BEST3: variants seen among roughly 807,000 people sequenced by gnomAD.
BEST3 encodes bestrophin-3.
In BEST3, 50 loss-of-function variants were observed where a neutral mutation model predicts 47.1. That is an observed-to-expected ratio of 1.06 (90% CI 0.85 to 1.34). The LOEUF (loss-of-function observed/expected upper bound fraction) is 1.34. BEST3 is among the 40% of genes most tolerant of loss of function. BEST3 has a pLI of 0.00. For synonymous variants in BEST3, 282 were observed against 298.8 expected (o/e 0.94, Z 0.58); for missense variants, 765 against 817.0 (o/e 0.94, Z 0.78).
Position 69,677,034 on chromosome 12 carries a change from G to T in BEST3, c.749C>A (p.Ala250Glu). 2 of 1,614,188 alleles carry T rather than the reference G, an allele frequency of 1.2e-6. No homozygotes were observed. Among genetic ancestry groups the T allele is most frequent in the African/African-American group, 2.7e-5 (2 of 75,056 alleles). The change falls in exon 7 of 10, where the codon GCG (alanine) becomes GAG (glutamate). Residue 250 changes from alanine to glutamate, a missense_variant. Physicochemically the swap from Ala to Glu is moderately radical, Grantham distance 107. Transcript: ENST00000330891. ...VTLAVYTFFF[A>E]CLIGRQFLDP... ...CAAAAACTGGCGTCCAATCAGGCAC[G>T]CAAAGAAGAAGGTATAGACAGCAAG...
At chr12:69,684,272 A>G (rs1565838493) in intron 4 of BEST3, 2 of 337,962 alleles carry the variant, frequency 5.9e-6, no homozygotes, top group Non-Finnish European at 1.1e-5. Flanking sequence ...TCCCTCCTTC[A>G]TCTTTCTAAT....
At chr12:69,692,917 C>G (rs1885976484) in intron 4 of BEST3, among the ~76,000 whole-genome samples, 1 of 152,188 alleles carries the variant, frequency 6.6e-6, no homozygotes, top group Non-Finnish European at 1.5e-5. Flanking sequence ...TGGGAGCCAG[C>G]AAGCCCAGCT....
At chr12:69,698,037 T>C (rs1215000831) in intron 1 of BEST3, among the ~76,000 whole-genome samples, 1 of 152,206 alleles carries the variant, frequency 6.6e-6, no homozygotes, top group African/African-American at 2.4e-5. Context: ...TTAGACATCT[T>C]AAACTTGCCT....
At position 69,643,861 on chromosome 12, in the gene BEST3, A is replaced by G. The variant is rs565809356; in HGVS notation, c.1101-74T>C. 31 of 589,648 alleles carry G rather than the reference A, an allele frequency of 5.3e-5. No homozygotes were observed. In the South Asian group the frequency reaches 6.6e-4, roughly 13 times the overall value. 36.5% of individuals were successfully genotyped at this position (589,648 alleles called of 1,614,324 possible). ...ACAGGTGCTTCTCTTTTCTTCGCCA[A>G]ACTCACAGAGTTGAATTCACATAGG... On this transcript the variant is annotated intron_variant, in intron 9 of 9. Coordinates refer to the BEST3 transcript ENST00000331471.
intron 9 of BEST3, among the ~76,000 whole-genome samples, chr12:69,644,995 T>G (rs1288347234): frequency 6.6e-6 from 1 of 152,244 alleles, no homozygotes; most frequent in African/African-American, 2.4e-5. Context: ...GCCTTAAATT[T>G]ATTTGATACT....
chr12:69,654,951 C>T lies in BEST3; in HGVS notation c.1963G>A (p.Asp655Asn). ...LMENLDTKETDIIELNKETEE... is the reference protein window; with the variant it reads ...LMENLDTKETNIIELNKETEE... Reference sequence around the variant, plus strand: ...GTTTCCTTGTTCAGCTCTATGATATCTGTTTCCTTGGTGTCCAGGTTTTCC... The same window carrying T: ...GTTTCCTTGTTCAGCTCTATGATATTTGTTTCCTTGGTGTCCAGGTTTTCC... The change falls in exon 10 of 10, where the codon GAT becomes AAT. Residue 655 changes from aspartate to asparagine, a missense_variant. Asp to Asn is a conservative substitution (Grantham distance 23). Coordinates refer to ENST00000330891, the MANE Select transcript of BEST3 (RefSeq NM_032735.3). 1.2e-6 allele frequency: 2 copies of T among 1,614,038 alleles called. No homozygotes were observed. The highest frequency in any genetic ancestry group is 2.2e-5 in the South Asian group (2 of 91,072).
chr12:69,681,225 T>C (rs1454367462), intron 4 of BEST3, among the ~76,000 whole-genome samples: 1 of 152,234 alleles, frequency 6.6e-6, no homozygotes, highest in Admixed American at 6.5e-5. Context: ...GGAATTCTGA[T>C]ACTACATTCA....
At chr12:69,670,688 T>C (rs937092255) in intron 9 of BEST3, 53 of 545,778 alleles carry the variant, frequency 9.7e-5, no homozygotes, top group Non-Finnish European at 2.0e-5. Flanking sequence ...ACAGCAGGCC[T>C]CAGGGAACTA....
chr12:69,680,576 G>C (rs1230694115), intron 4 of BEST3, among the ~76,000 whole-genome samples: 1 of 151,836 alleles, frequency 6.6e-6, no homozygotes, highest in Non-Finnish European at 1.5e-5. Context: ...CAAATTGCTG[G>C]GATTACAGGC....
chr12:69,699,239 A>T lies in BEST3; in HGVS notation c.-50T>A. 1 of 985,430 alleles carries T rather than the reference A, an allele frequency of 1.0e-6. No individual in the cohort carries two copies. Among genetic ancestry groups the T allele is most frequent in the Non-Finnish European group, 1.2e-6 (1 of 829,942 alleles). 61.0% of individuals were successfully genotyped at this position (985,430 alleles called of 1,614,324 possible). A position where few individuals can be genotyped will look rare whatever the true frequency, so the allele number is the denominator to read the frequency against. ...TGGTTTGTAGTCTCCGACAGGAAAGAGAATCTTCAAATTTCGGGCTCCCCC... is the reference window on the plus strand; with the variant it reads ...TGGTTTGTAGTCTCCGACAGGAAAGTGAATCTTCAAATTTCGGGCTCCCCC... On this transcript the variant is annotated 5_prime_UTR_variant, in exon 1 of 10. Coordinates refer to ENST00000330891, the MANE Select transcript of BEST3 (RefSeq NM_032735.3).
At position 69,699,295 on chromosome 12, in the gene BEST3, C is replaced by G. The variant is rs1403080527; in HGVS notation, c.-106G>C. ...GGTGCCTTCAGGTCGGTGCTGCACG[C>G]CCGGTGTCACCCTTCGCTCGTGCAC... On this transcript the variant is annotated 5_prime_UTR_variant, in exon 1 of 10. Transcript: ENST00000330891. 2 of 985,304 alleles carry G rather than the reference C, an allele frequency of 2.0e-6. No homozygotes were observed. Among genetic ancestry groups the G allele is most frequent in the African/African-American group, 1.7e-5 (1 of 57,222 alleles). 61.0% of individuals were successfully genotyped at this position (985,304 alleles called of 1,614,324 possible).
intron 4 of BEST3, chr12:69,687,189 A>T (rs1565840900): frequency 6.6e-6 from 1 of 152,264 alleles, no homozygotes; most frequent in Non-Finnish European, 1.5e-5. Context: ...GAGCATCTGA[A>T]GTTAGAACTT....
chr12:69,669,962 TA>T (rs1884458132), intron 9 of BEST3: 2 of 154,506 alleles, frequency 1.3e-5, no homozygotes, highest in African/African-American at 4.8e-5. Flanking sequence ...ATTTGCAGTC[TA>T]AATAGAGTTA....
intron 4 of BEST3, among the ~76,000 whole-genome samples, chr12:69,682,463 A>T (rs1885311786): frequency 6.6e-6 from 1 of 152,208 alleles, no homozygotes; most frequent in Non-Finnish European, 1.5e-5. Context: ...TAAAATAAAA[A>T]TGAGCTTGGT....
downstream of BEST3, among the ~76,000 whole-genome samples, chr12:69,652,914 G>A (rs551187657): frequency 5.9e-5 from 9 of 152,312 alleles, no homozygotes; most frequent in African/African-American, 1.9e-4. Flanking sequence ...TAGTCTATAC[G>A]TAGTGCTTTG....
chr12:69,671,620 A>G (rs1593158869), intron 8 of BEST3, 41 bp from the exon 9 acceptor site: 1 of 1,600,138 alleles, frequency 6.2e-7, no homozygotes, highest in East Asian at 2.2e-5. Context: ...TCAGATGTAA[A>G]TTAAATAAAA....
chr12:69,697,681 C>A lies in BEST3; in HGVS notation c.118G>T (p.Ala40Ser), dbSNP rs757008491. 1.1e-5 allele frequency: 18 copies of A among 1,608,836 alleles called. No individual in the cohort carries two copies. Among genetic ancestry groups the A allele is most frequent in the Middle Eastern group, 1.7e-4 (1 of 5,876 alleles). Residue 40 changes from alanine to serine, a missense_variant, in exon 2 of 10, where the codon GCT becomes TCT. Coordinates refer to ENST00000330891, the MANE Select transcript of BEST3 (RefSeq NM_032735.3). The stretch of plus-strand genomic sequence containing the variant: ...AAACTTATTGCTGTATAAAGAACAG[C>A]AAAAACAATAAATTCCCTGTACAGT... The part of the protein sequence containing the change: ...KLLYREFIVF[A>S]VLYTAISLVY...
At chr12:69,657,307 G>A (rs951176922) in intron 9 of BEST3, among the ~76,000 whole-genome samples, 4 of 151,954 alleles carry the variant, frequency 2.6e-5, no homozygotes, top group African/African-American at 9.7e-5. Flanking sequence ...TGTTGGCCAG[G>A]CTGGTCTCGA....
At chr12:69,671,655 A>T in intron 8 of BEST3, 76 bp from the exon 9 acceptor site, 1 of 1,394,404 alleles carries the variant, frequency 7.2e-7, no homozygotes, top group Non-Finnish European at 1.0e-6. Context: ...TGGGCAGATG[A>T]GAGTTAGATT....
Sources: gnomAD v4.1 joint callset for allele counts (sites outside exome capture counted in the v4.1 genomes callset) on GRCh38, gnomAD v4.1.1 for gene constraint, MANE v1.5 for transcripts, NCBI Gene and HGNC (gene_info 2026-07-23, HGNC 2026-07-21) for gene names.